Variants in SH3GL3 observed in about 807,000 individuals in gnomAD.
The protein encoded by SH3GL3 is endophilin-A3.
In SH3GL3, 33 loss-of-function variants were observed where a neutral mutation model predicts 47.7. That is an observed-to-expected ratio of 0.69 (90% confidence interval 0.52 to 0.92). SH3GL3 has a LOEUF of 0.92. Ranked by LOEUF, SH3GL3 falls within the 40% of genes least tolerant of loss-of-function variation. The pLI, the probability that SH3GL3 is intolerant of heterozygous loss-of-function variation, is 0.00. For missense variants in SH3GL3, 363 were observed against 417.8 expected (o/e 0.87, Z 1.14); for synonymous variants, 155 against 148.8 (o/e 1.04, Z -0.30).
chr15:83,620,402 C>T (rs2060911480), downstream of SH3GL3, among the ~76,000 whole-genome samples: 1 of 152,150 alleles, frequency 6.6e-6, no homozygotes, highest in South Asian at 2.1e-4. Flanking sequence ...AGATGTATTT[C>T]TTGAGTAATA....
chr15:83,531,269 A>G (rs1051167000), intron 1 of SH3GL3, among the ~76,000 whole-genome samples: 2 of 152,242 alleles, frequency 1.3e-5, no homozygotes, highest in African/African-American at 4.8e-5. Context: ...AAGCACATCA[A>G]TAAATTTCAG....
intron 1 of SH3GL3, among the ~76,000 whole-genome samples, chr15:83,521,733 C>G (rs145643749): frequency 4.5e-4 from 68 of 152,234 alleles, no homozygotes; most frequent in African/African-American, 1.6e-3. Context: ...ATTAGCTCCT[C>G]CTACAACAAT....
chr15:83,490,066 T>G (rs919260330), intron 1 of SH3GL3, among the ~76,000 whole-genome samples: 2 of 152,058 alleles, frequency 1.3e-5, no homozygotes, highest in Non-Finnish European at 2.9e-5. Context: ...GTGACAGAGT[T>G]GTATGGCCCA....
At chr15:83,504,393 C>G (rs1222991052) in intron 1 of SH3GL3, among the ~76,000 whole-genome samples, 1 of 152,182 alleles carries the variant, frequency 6.6e-6, no homozygotes, top group African/African-American at 2.4e-5. Flanking sequence ...GGTCTTCATA[C>G]CCACCCAGGA....
chr15:83,573,427 T>G (rs2059589908), intron 5 of SH3GL3, among the ~76,000 whole-genome samples: 1 of 152,218 alleles, frequency 6.6e-6, no homozygotes, highest in Admixed American at 6.5e-5. Flanking sequence ...TCAGCATCAC[T>G]TGTGAGAAAT....
chr15:83,462,217 C>A (rs2040335105), intron 1 of SH3GL3, among the ~76,000 whole-genome samples: 2 of 152,210 alleles, frequency 1.3e-5, no homozygotes, highest in African/African-American at 4.8e-5. Flanking sequence ...GGCATTCAGA[C>A]TGCAAAACTG....
chr15:83,578,291 C>T (rs547307345), intron 6 of SH3GL3, among the ~76,000 whole-genome samples: 2 of 152,290 alleles, frequency 1.3e-5, no homozygotes, highest in African/African-American at 2.4e-5. Flanking sequence ...CTCCGGAGCC[C>T]CTGCCCTCAG....
downstream of SH3GL3, among the ~76,000 whole-genome samples, chr15:83,620,703 C>G (rs2060913421): frequency 6.6e-6 from 1 of 152,166 alleles, no homozygotes; most frequent in Admixed American, 6.5e-5. Flanking sequence ...CTTAAGGACC[C>G]TAAAATTTTT....
chr15:83,473,842 C>G (rs1181583230), intron 1 of SH3GL3, among the ~76,000 whole-genome samples: 1 of 148,600 alleles, frequency 6.7e-6, no homozygotes, highest in African/African-American at 2.5e-5. Context: ...CCACCGCGCC[C>G]GGCCTGTTGG....
rs1230955004 is a variant in SH3GL3, at chr15:83,559,325, A to G, written c.114+4A>G. 4.6e-6 allele frequency: 7 copies of G among 1,520,202 alleles called. No individual in the cohort carries two copies. The highest frequency in any genetic ancestry group is 1.7e-5 in the Admixed American group (1 of 59,772). The allele number at this position is 1,520,202 out of a possible 1,614,324, so 94.2% of individuals were successfully genotyped here. On this transcript the variant is annotated splice_donor_region_variant and intron_variant, in intron 2 of 8. Coordinates refer to ENST00000427482, the MANE Select transcript of SH3GL3 (RefSeq NM_003027.5). The stretch of plus-strand genomic sequence containing the variant: ...TGAATTTCTTGACATGGAAAGGGTA[A>G]GAGCATTTTAATATGTAAATTGATT...
intron 2 of SH3GL3, among the ~76,000 whole-genome samples, chr15:83,560,163 C>A (rs2045190095): frequency 6.6e-6 from 1 of 152,164 alleles, no homozygotes. Context: ...AAGGCATCCA[C>A]CCTCAGGTGT....
the SH3GL3 span, among the ~76,000 whole-genome samples, chr15:83,628,445 T>G: frequency 6.6e-6 from 1 of 152,200 alleles, no homozygotes. Flanking sequence ...GAGTAATGAC[T>G]ATAAAGCAAG....
At chr15:83,509,971 T>A (rs2042679027) in intron 1 of SH3GL3, among the ~76,000 whole-genome samples, 1 of 152,156 alleles carries the variant, frequency 6.6e-6, no homozygotes, top group East Asian at 1.9e-4. Flanking sequence ...ACTTTTGCCA[T>A]CCTTTAGGGA....
At chr15:83,611,976 G>A (rs2060679616) in intron 8 of SH3GL3, among the ~76,000 whole-genome samples, 2 of 125,186 alleles carry the variant, frequency 1.6e-5, no homozygotes, top group South Asian at 3.6e-4. Flanking sequence ...ACCAATGGCG[G>A]AAACAACTTA....
intron 8 of SH3GL3, among the ~76,000 whole-genome samples, chr15:83,597,038 A>G (rs1473073219): frequency 1.3e-5 from 2 of 152,216 alleles, no homozygotes; most frequent in Non-Finnish European, 2.9e-5. Flanking sequence ...TGATGCTGCA[A>G]TGAAATACCA....
At chr15:83,583,432 C>A (rs752676034) in intron 6 of SH3GL3, among the ~76,000 whole-genome samples, 7 of 152,216 alleles carry the variant, frequency 4.6e-5, no homozygotes, top group Non-Finnish European at 1.0e-4. Context: ...GTATGCAGTC[C>A]TTTGAGCCAT....
At chr15:83,489,870 GATAGATAGATAGATAGATA>G (rs1306681447) in intron 1 of SH3GL3, among the ~76,000 whole-genome samples, 72 of 115,026 alleles carry the variant, frequency 6.3e-4, no homozygotes, top group African/African-American at 2.3e-3. Context: ...TAGATAGATA[GATAGATAGATAGATAGATA>G]ATAGATAGAT....
chr15:83,567,965 TTTTC>T (rs1241934547), intron 3 of SH3GL3, among the ~76,000 whole-genome samples: 39 of 148,948 alleles, frequency 2.6e-4, no homozygotes, highest in Admixed American at 3.4e-4. Context: ...TTCTTTTTTT[TTTTC>T]TTTCTTTCTT....
intron 1 of SH3GL3, among the ~76,000 whole-genome samples, chr15:83,489,954 T>C (rs988400510): frequency 2.0e-5 from 3 of 152,164 alleles, no homozygotes; most frequent in Non-Finnish European, 4.4e-5. Context: ...AGATGATAGA[T>C]TATAAATTGA....
Sources: allele counts gnomAD v4.1 joint callset (sites outside exome capture counted in the v4.1 genomes callset), GRCh38; gene constraint gnomAD v4.1.1; transcripts MANE v1.5; gene names NCBI Gene and HGNC (gene_info 2026-07-23, HGNC 2026-07-21).